The following TMEM178B variants were observed in gnomAD, a reference collection of about 807,000 sequenced individuals.
TMEM178B encodes transmembrane protein 178B.
A neutral mutation model predicts 31.0 loss-of-function variants in TMEM178B; 5 were observed. The ratio of observed to expected loss-of-function variants is 0.16; its 90% CI spans 0.08 to 0.34. The LOEUF (loss-of-function observed/expected upper bound fraction) is 0.34, where lower values mean the gene tolerates loss of function less well. Among genes scored for constraint, TMEM178B ranks in the 10% least tolerant of loss-of-function variants. TMEM178B has a pLI of 1.00. For synonymous variants in TMEM178B, 164 were observed against 164.0 expected, an observed-to-expected ratio of 1.00 and a Z score of 0.00; for missense variants, 275 against 400.3, an observed-to-expected ratio of 0.69 and a Z score of 2.67.
chr7:141,169,851 TA>T (rs1796320795), intron 1 of TMEM178B, among the ~76,000 whole-genome samples: 1 of 152,372 alleles, frequency 6.6e-6, no homozygotes, highest in Admixed American at 6.5e-5. Flanking sequence ...TAAAGAAAGA[TA>T]AAAAATTCAC....
chr7:141,084,779 T>C (rs1282959196), intron 1 of TMEM178B, among the ~76,000 whole-genome samples: 1 of 152,178 alleles, frequency 6.6e-6, no homozygotes, highest in Non-Finnish European at 1.5e-5. Context: ...AATCATATCA[T>C]ATCAGAGATC....
chr7:141,267,429 G>A (rs984880113), intron 2 of TMEM178B, among the ~76,000 whole-genome samples: 1 of 152,196 alleles, frequency 6.6e-6, no homozygotes, highest in Non-Finnish European at 1.5e-5. Flanking sequence ...TGGAGGCCTT[G>A]GTAACGGAGA....
At chr7:141,109,109 C>T (rs1457227969) in intron 1 of TMEM178B, among the ~76,000 whole-genome samples, 2 of 152,134 alleles carry the variant, frequency 1.3e-5, no homozygotes, top group African/African-American at 4.8e-5. Flanking sequence ...GGGTCCCTCC[C>T]ACAACATGTG....
chr7:141,414,590 T>C (rs1801064092), intron 2 of TMEM178B: 1 of 152,674 alleles, frequency 6.5e-6, no homozygotes, highest in East Asian at 1.9e-4. Context: ...AGAGAGTATC[T>C]GCAAATGACT....
chr7:141,244,039 C>T (rs1797686628), intron 2 of TMEM178B, among the ~76,000 whole-genome samples: 1 of 152,148 alleles, frequency 6.6e-6, no homozygotes, highest in African/African-American at 2.4e-5. Context: ...GCGTTTTGTG[C>T]AGTTCAGTCT....
intron 2 of TMEM178B, among the ~76,000 whole-genome samples, chr7:141,410,737 G>A (rs185499157): frequency 3.3e-5 from 5 of 152,218 alleles, no homozygotes; most frequent in Admixed American, 6.5e-5. Context: ...AACTCTGAAA[G>A]AACTTTGAAA....
the TMEM178B span, among the ~76,000 whole-genome samples, chr7:141,501,281 G>T: frequency 2.0e-5 from 3 of 151,472 alleles, no homozygotes; most frequent in African/African-American, 7.3e-5. Context: ...GAAACTTTGT[G>T]GCCAAGAATC....
At chr7:141,459,848 T>C (rs1157392936) in intron 3 of TMEM178B, among the ~76,000 whole-genome samples, 5 of 152,100 alleles carry the variant, frequency 3.3e-5, no homozygotes, top group Admixed American at 1.3e-4. Flanking sequence ...GCCACTGATC[T>C]TGTGATCCAA....
intron 2 of TMEM178B, among the ~76,000 whole-genome samples, chr7:141,245,704 C>CG (rs1797719944): frequency 6.6e-6 from 1 of 152,178 alleles, no homozygotes; most frequent in Non-Finnish European, 1.5e-5. Context: ...TGATGGAACT[C>CG]CACAGGAATT....
chr7:141,083,503 G>GAC (rs370172674), intron 1 of TMEM178B, among the ~76,000 whole-genome samples: 52 of 148,458 alleles, frequency 3.5e-4, no homozygotes, highest in South Asian at 1.9e-3. Context: ...GAGAGAGAGA[G>GAC]AGACAGACAG....
chr7:141,256,808 A>G (rs530998294), intron 2 of TMEM178B, among the ~76,000 whole-genome samples: 5 of 152,280 alleles, frequency 3.3e-5, no homozygotes, highest in African/African-American at 1.2e-4. Context: ...TTTGGGATAC[A>G]TTGTCAAGAT....
At chr7:141,316,594 C>T (rs1218241716) in intron 2 of TMEM178B, among the ~76,000 whole-genome samples, 3 of 151,964 alleles carry the variant, frequency 2.0e-5, no homozygotes, top group Non-Finnish European at 4.4e-5. Flanking sequence ...CACACATACA[C>T]GAATACAACA....
In TMEM178B at chr7:141,344,890, T is replaced by C. The variant is rs561817877; in HGVS notation, c.497-92718T>C. 2.0e-4 allele frequency among the ~76,000 whole-genome samples: 31 copies of C among 152,306 alleles called. No individual in the cohort carries two copies. Among genetic ancestry groups the C allele is most frequent in the South Asian group, 1.0e-3 (5 of 4,822 alleles). Reference sequence around the variant, plus strand: ...TAAACCCTCCAGGACTTGGTGGTCTTGGTTGTAAAGTGACAGAAATGAACA... The same window carrying C: ...TAAACCCTCCAGGACTTGGTGGTCTCGGTTGTAAAGTGACAGAAATGAACA... On this transcript the variant is annotated intron_variant, in intron 2 of 3. Coordinates refer to ENST00000565468, the MANE Select transcript of TMEM178B (RefSeq NM_001195278.2). This position sits in a 1 kb window ranked among gnomAD's most constrained non-coding sequence, Gnocchi z 4.1.
intron 3 of TMEM178B, among the ~76,000 whole-genome samples, chr7:141,454,845 C>T (rs1356143705): frequency 6.6e-6 from 1 of 152,076 alleles, no homozygotes; most frequent in Non-Finnish European, 1.5e-5. Context: ...GTTCTTTTCT[C>T]ATTAGAGTTT....
chr7:141,420,609 G>T (rs1801188523), intron 2 of TMEM178B, among the ~76,000 whole-genome samples: 2 of 152,254 alleles, frequency 1.3e-5, no homozygotes, highest in Admixed American at 1.3e-4. Context: ...TTACTAACAA[G>T]CATCTCCTTA....
intron 2 of TMEM178B, among the ~76,000 whole-genome samples, chr7:141,280,054 G>A (rs1798330816): frequency 2.0e-5 from 3 of 152,194 alleles, no homozygotes; most frequent in South Asian, 4.1e-4. Context: ...GGCCTTCCTG[G>A]GCTCATCCTC....
intron 1 of TMEM178B, among the ~76,000 whole-genome samples, chr7:141,170,173 T>C (rs1292147341): frequency 6.6e-6 from 1 of 152,212 alleles, no homozygotes; most frequent in African/African-American, 2.4e-5. Flanking sequence ...GATTACTGGG[T>C]CAAAGACTGG....
At chr7:141,131,443 A>C (rs149815548) in intron 1 of TMEM178B, among the ~76,000 whole-genome samples, 275 of 152,304 alleles carry the variant, frequency 1.8e-3, no homozygotes, top group Non-Finnish European at 3.3e-3. Context: ...GAATGTTTCC[A>C]TCAGCCCATT....
intron 2 of TMEM178B, among the ~76,000 whole-genome samples, chr7:141,342,987 A>G (rs1799544871): frequency 6.6e-6 from 1 of 152,182 alleles, no homozygotes; most frequent in East Asian, 1.9e-4. Flanking sequence ...CTTTAGCTGT[A>G]TGGGACTCAC....
Sources: gnomAD v4.1 joint callset for allele counts (sites outside exome capture counted in the v4.1 genomes callset) on GRCh38, gnomAD v4.1.1 for gene constraint, Gnocchi (gnomAD v3.1) non-coding constraint, MANE v1.5 for transcripts, NCBI Gene and HGNC (gene_info 2026-07-23, HGNC 2026-07-21) for gene names.